Variants in TOMM20L observed in about 807,000 individuals in gnomAD.
TOMM20L encodes the protein translocase of outer mitochondrial membrane 20 like.
A neutral mutation model predicts 20.4 loss-of-function variants in TOMM20L; 19 were observed. That is an observed-to-expected ratio of 0.93 (90% CI 0.65 to 1.36). The LOEUF is 1.36. Among genes scored for constraint, TOMM20L ranks in the 40% most tolerant of loss-of-function variants. TOMM20L has a pLI of 0.00. For synonymous variants in TOMM20L, 75 were observed against 79.6 expected, an observed-to-expected ratio of 0.94 and a Z score of 0.30; for missense variants, 218 against 203.7, an observed-to-expected ratio of 1.07 and a Z score of -0.43.
At chr14:58,400,067 C>G (rs543725488) in intron 2 of TOMM20L, among the ~76,000 whole-genome samples, 2 of 151,706 alleles carry the variant, frequency 1.3e-5, no homozygotes, top group African/African-American at 4.8e-5. Flanking sequence ...TAAATGGCAG[C>G]TCTGAATATG....
In TOMM20L at chr14:58,406,388, C is replaced by T. The variant is rs373991915; in HGVS notation, c.263-938C>T. Among the ~76,000 whole-genome samples the T allele has an allele frequency of 1.1e-4, 17 of 152,242 alleles. 1 individual carries two copies. Among genetic ancestry groups the T allele is most frequent in the Admixed American group, 3.3e-4 (5 of 15,282 alleles). ...CTTTGGAAAGCATTTTTTTCTGTCA[C>T]GCACTATTCTCTTCCTATAACCATG... On this transcript the variant is annotated intron_variant, in intron 3 of 4. Transcript: ENST00000360945.
intron 3 of TOMM20L, among the ~76,000 whole-genome samples, chr14:58,404,199 G>A (rs1290945381): frequency 3.4e-5 from 4 of 118,252 alleles, no homozygotes; most frequent in South Asian, 3.0e-4. Flanking sequence ...GCGGGATCTC[G>A]GCTCACTGCA....
downstream of TOMM20L, among the ~76,000 whole-genome samples, chr14:58,409,877 CTATT>C (rs1160290273): frequency 2.0e-5 from 3 of 152,004 alleles, no homozygotes; most frequent in Non-Finnish European, 4.4e-5. Flanking sequence ...CGCGCCCAGC[CTATT>C]TATTTATTTT....
Position 58,404,119 on chromosome 14 carries a change from A to ATTTTTTTTT in TOMM20L, c.262+1377_262+1385dup. On this transcript the variant is annotated intron_variant, in intron 3 of 4. Transcript: ENST00000360945. ...TATATGTATATATATATATATATAT[A>ATTTTTTTTT]TTTTTTTTTTTTTTTTTTTTTTTTT... 4.8e-4 allele frequency among the ~76,000 whole-genome samples: 4 copies of ATTTTTTTTT among 8,354 alleles called. 2 individuals carry two copies. Among genetic ancestry groups the ATTTTTTTTT allele is most frequent in the East Asian group, 0.029 (2 of 68 alleles). The allele number at this position is 8,354 out of a possible 152,430, so 5.5% of individuals were successfully genotyped here. A position where few individuals can be genotyped will look rare whatever the true frequency, so the allele number is the denominator to read the frequency against.
chr14:58,400,903 C>T (rs571838834), intron 2 of TOMM20L, among the ~76,000 whole-genome samples: 1 of 152,080 alleles, frequency 6.6e-6, no homozygotes, highest in African/African-American at 2.4e-5. Context: ...AAACATTTAC[C>T]CTATCATAAT....
downstream of TOMM20L, among the ~76,000 whole-genome samples, chr14:58,412,423 A>G (rs1046688237): frequency 6.6e-6 from 1 of 152,230 alleles, no homozygotes; most frequent in African/African-American, 2.4e-5. Context: ...TACAGGCGTT[A>G]GCCGCCGTGC....
rs761657991 is a variant in TOMM20L, at chr14:58,396,315, C to T, written c.154C>T (p.Gln52Ter). The change falls in exon 2 of 5, where the codon CAA becomes TAA. Residue 52 changes from glutamine to a stop codon, truncating the protein, a stop_gained. Coordinates refer to ENST00000360945, the MANE Select transcript of TOMM20L (RefSeq NM_207377.3). LOFTEE classifies it high-confidence loss of function. ...GTTCGCAGAAAGAAGAGCAGAGCCTCAAAAGGCTGAGGAGCAGGGCACGCA... is the reference window on the plus strand; with the variant it reads ...GTTCGCAGAAAGAAGAGCAGAGCCTTAAAAGGCTGAGGAGCAGGGCACGCA... The part of the protein sequence containing the change: ...RLRDKRRAEP[Q>*]KAEEQGTQLW... 10 of 1,613,368 alleles carry T rather than the reference C, an allele frequency of 6.2e-6. No homozygotes were observed. The highest frequency in any genetic ancestry group is 8.5e-6 in the Non-Finnish European group (10 of 1,179,858).
downstream of TOMM20L, chr14:58,411,830 C>A (rs563318496): frequency 1.9e-5 from 26 of 1,395,576 alleles, no homozygotes; most frequent in African/African-American, 3.1e-4. Context: ...AGCCACTGCA[C>A]CCAGCCTGAC....
At chr14:58,408,843 G>C (rs2036115449), downstream of TOMM20L, 1 of 796,296 alleles carries the variant, frequency 1.3e-6, no homozygotes. Context: ...TGAACAATAA[G>C]ACCTTCTATT....
In TOMM20L at chr14:58,396,028, G is replaced by A; in HGVS notation, c.71G>A (p.Gly24Asp). The change falls in exon 1 of 5, where the codon GGC becomes GAC. Residue 24 changes from glycine to aspartate, a missense_variant. Transcript: ENST00000360945. Reference protein sequence around the residue: ...AAACGAFAFLGYCIYLNRKRR... With the variant: ...AAACGAFAFLDYCIYLNRKRR... Reference sequence around the variant, plus strand: ...GCCTGTGGCGCCTTCGCCTTCCTGGGCTATTGTATTTACCTCAACCGGAAG... The same window carrying A: ...GCCTGTGGCGCCTTCGCCTTCCTGGACTATTGTATTTACCTCAACCGGAAG... The A allele has an allele frequency of 6.9e-7, 1 of 1,447,676 alleles. No homozygotes were observed. Among genetic ancestry groups the A allele is most frequent in the Non-Finnish European group, 9.1e-7 (1 of 1,096,230 alleles). The allele number at this position is 1,447,676 out of a possible 1,614,324, so 89.7% of individuals were successfully genotyped here. A position where few individuals can be genotyped will look rare whatever the true frequency, so the allele number is the denominator to read the frequency against.
intron 2 of TOMM20L, among the ~76,000 whole-genome samples, chr14:58,398,113 T>A: frequency 6.6e-6 from 1 of 151,802 alleles, no homozygotes; most frequent in Admixed American, 6.6e-5. Context: ...GACATGGGAG[T>A]GGAGATACCT....
downstream of TOMM20L, chr14:58,412,074 T>A: frequency 1.3e-6 from 1 of 773,230 alleles, no homozygotes; most frequent in Non-Finnish European, 2.1e-6. Flanking sequence ...AATCTGTGTA[T>A]GTAATTGTAT....
chr14:58,407,859 T>C (rs1475718829), intron 4 of TOMM20L, among the ~76,000 whole-genome samples: 1 of 152,226 alleles, frequency 6.6e-6, no homozygotes, highest in Non-Finnish European at 1.5e-5. Flanking sequence ...TTTAGTCCAC[T>C]TCCATTTTAC....
At chr14:58,404,458 T>G (rs954999059) in intron 3 of TOMM20L, among the ~76,000 whole-genome samples, 11 of 151,688 alleles carry the variant, frequency 7.3e-5, no homozygotes, top group Non-Finnish European at 1.6e-4. Context: ...CAAACTCCCT[T>G]GCATATCACA....
intron 3 of TOMM20L, among the ~76,000 whole-genome samples, chr14:58,404,131 T>A (rs1489467051): frequency 6.0e-4 from 3 of 5,004 alleles, no homozygotes; most frequent in Non-Finnish European, 1.6e-3. Flanking sequence ...TTTTTTTTTT[T>A]TTTTTTTTTT....
At chr14:58,406,043 A>C (rs1236167918) in intron 3 of TOMM20L, among the ~76,000 whole-genome samples, 2 of 152,164 alleles carry the variant, frequency 1.3e-5, no homozygotes, top group Non-Finnish European at 2.9e-5. Flanking sequence ...AGTTTTCTGC[A>C]GTCTTCTTAA....
chr14:58,414,685 C>T, the TOMM20L span, among the ~76,000 whole-genome samples: 9 of 133,018 alleles, frequency 6.8e-5, no homozygotes, highest in South Asian at 1.4e-3. Flanking sequence ...TGCAGTGAGC[C>T]GAGATTGCAG....
At chr14:58,404,319 C>T (rs1490761887) in intron 3 of TOMM20L, among the ~76,000 whole-genome samples, 1 of 144,516 alleles carries the variant, frequency 6.9e-6, no homozygotes, top group Non-Finnish European at 1.5e-5. Flanking sequence ...TTAGTAGAGA[C>T]GGGGTTTCAC....
downstream of TOMM20L, among the ~76,000 whole-genome samples, chr14:58,412,631 T>A (rs1339206375): frequency 6.6e-6 from 1 of 152,138 alleles, no homozygotes; most frequent in African/African-American, 2.4e-5. Context: ...CTGGGTGTGG[T>A]GGCTCATGCC....
Sources: gnomAD v4.1 joint callset for allele counts (sites outside exome capture counted in the v4.1 genomes callset) on GRCh38, gnomAD v4.1.1 for gene constraint, MANE v1.5 for transcripts, NCBI Gene and HGNC (gene_info 2026-07-23, HGNC 2026-07-21) for gene names.